The following RCC1L variants were observed in gnomAD, a reference collection of about 807,000 sequenced individuals.
RCC1L encodes RCC1 like.
A neutral mutation model predicts 58.6 loss-of-function variants in RCC1L; 46 were observed. The observed-to-expected ratio is 0.79, with a 90% CI of 0.62 to 1.00. RCC1L has a LOEUF of 1.00. Ranked by LOEUF, RCC1L falls within the 50% of genes least tolerant of loss-of-function variation. RCC1L has a pLI of 0.00. For synonymous variants in RCC1L, 281 were observed against 262.9 expected, an observed-to-expected ratio of 1.07 and a Z score of -0.67; for missense variants, 636 against 623.6, an observed-to-expected ratio of 1.02 and a Z score of -0.21.
intron 8 of RCC1L, chr7:75,056,674 T>C (rs1016151717): frequency 3.9e-6 from 6 of 1,535,420 alleles, no homozygotes; most frequent in Non-Finnish European, 4.4e-6. Context: ...AGTAGTTCGC[T>C]CTCCACTCCA....
intron 2 of RCC1L, among the ~76,000 whole-genome samples, chr7:75,067,444 C>A (rs1398370100): frequency 2.0e-5 from 3 of 151,988 alleles, no homozygotes; most frequent in African/African-American, 7.3e-5. Context: ...ACCTGGCCAA[C>A]AAGGTGAAAC....
At position 75,043,038 on chromosome 7, in the gene RCC1L, G is replaced by A. The variant is rs1805612578; in HGVS notation, c.1389C>T (p.Phe463=). The change falls in exon 11 of 11, where the codon TTC becomes TTT. Residue 463 remains phenylalanine (F), a synonymous_variant. Transcript: ENST00000610322. ...VDHMVTLAKS[F]I is the part of the protein sequence containing the mutation. ...CCAAGCAGGTGAGGGAGGTTTAGAT[G>A]AATGACTTGGCCAGGGTCACCATGT... 3.1e-6 allele frequency: 5 copies of A among 1,613,936 alleles called. No homozygotes were observed. In the Admixed American group the frequency reaches 5.0e-5, roughly 16 times the overall value.
Position 75,066,662 on chromosome 7 carries a change from A to T in RCC1L, c.583+2T>A, listed in dbSNP as rs782286456. 6.2e-7 allele frequency: 1 copy of T among 1,610,442 alleles called. No individual in the cohort carries two copies. The highest frequency in any genetic ancestry group is 8.5e-7 in the Non-Finnish European group (1 of 1,178,488). ...CCATCACCCTTCAATAGGTCAACTC[A>T]CCTCCTTCCCTGTCAGTCAACACAA... On this transcript the variant is annotated splice_donor_variant, in intron 3 of 10. Transcript: ENST00000610322. LOFTEE classifies it high-confidence loss of function.
intron 10 of RCC1L, among the ~76,000 whole-genome samples, chr7:75,050,255 C>T (rs1805862489): frequency 6.6e-6 from 1 of 152,050 alleles, no homozygotes; most frequent in Non-Finnish European, 1.5e-5. Flanking sequence ...GCACTCAAGC[C>T]TGGGCAACAG....
At chr7:75,056,165 C>A in intron 8 of RCC1L, 91 bp from the exon 9 acceptor site, 1 of 1,440,458 alleles carries the variant, frequency 6.9e-7, no homozygotes, top group Non-Finnish European at 9.7e-7. Context: ...AGGTTTATGA[C>A]ATCCACACGG....
In RCC1L at chr7:75,042,781, C is replaced by A. The variant is rs1336650370; in HGVS notation, c.*251G>T. ...GTTACTTGGAGAGAACAGAGACGTG[C>A]GGGCCACAGCGGCCCACCAAAGGCT... is the stretch of plus-strand genomic sequence containing the variant. On this transcript the variant is annotated 3_prime_UTR_variant, in exon 11 of 11. Transcript: ENST00000610322. The A allele has an allele frequency of 1.4e-6, 2 of 1,423,232 alleles. No individual in the cohort carries two copies. The highest frequency in any genetic ancestry group is 1.4e-5 in the African/African-American group (1 of 69,326). The allele number at this position is 1,423,232 out of a possible 1,614,324, so 88.2% of individuals were successfully genotyped here. A position where few individuals can be genotyped will look rare whatever the true frequency, so the allele number is the denominator to read the frequency against.
At chr7:75,056,472 A>G in intron 8 of RCC1L, 4 of 1,445,854 alleles carry the variant, frequency 2.8e-6, no homozygotes, top group Non-Finnish European at 3.6e-6. Context: ...CAAACACATC[A>G]ACAATGTCTG....
rs368041089 is a variant in RCC1L, at chr7:75,071,690, C to T, written c.325-921G>A. Among the ~76,000 whole-genome samples, 16 of 151,882 alleles carry T rather than the reference C, an allele frequency of 1.1e-4. No homozygotes were observed. The East Asian group carries it at 1.4e-3, about 13-fold the overall frequency. ...CAAAAAACACCACCATCTCTTAGCG[C>T]GGTAGGTAAGTTGACAGATCTCCTT... On this transcript the variant is annotated intron_variant, in intron 1 of 10. Coordinates refer to ENST00000610322, the MANE Select transcript of RCC1L (RefSeq NM_030798.5).
chr7:75,040,088 CAG>C (rs1303784570), downstream of RCC1L, among the ~76,000 whole-genome samples: 9 of 152,178 alleles, frequency 5.9e-5, no homozygotes, highest in East Asian at 3.9e-4. Context: ...CCTGGGCAGA[CAG>C]AGCCCAGCTG....
intron 10 of RCC1L, among the ~76,000 whole-genome samples, chr7:75,032,202 G>A (rs2131966949): frequency 6.6e-6 from 1 of 152,244 alleles, no homozygotes; most frequent in South Asian, 2.1e-4. Context: ...CCAGACCTTG[G>A]GCAGAGCCAG....
chr7:75,064,590 T>G lies in RCC1L; in HGVS notation c.642A>C (p.Glu214Asp), dbSNP rs1554444834. Residue 214 changes from glutamate (E) to aspartate (D), a missense_variant, in exon 4 of 11, where the codon GAA (glutamate) becomes GAC (aspartate). Coordinates refer to ENST00000610322, the MANE Select transcript of RCC1L (RefSeq NM_030798.5). ...GCCTTTTAGGAACTCACCTGTAAAT[T>G]TCATTTTCGACCACCTTTCTTCCAC... ...GQCGRKVVENEIYSESHRVHR... is the reference protein window; with the variant it reads ...GQCGRKVVENDIYSESHRVHR... 7 of 1,613,714 alleles carry G rather than the reference T, an allele frequency of 4.3e-6. No individual in the cohort carries two copies. Among genetic ancestry groups the G allele is most frequent in the Non-Finnish European group, 5.1e-6 (6 of 1,179,838 alleles).
chr7:75,041,904 G>A (rs1439560647), downstream of RCC1L, among the ~76,000 whole-genome samples: 2 of 148,376 alleles, frequency 1.3e-5, no homozygotes, highest in African/African-American at 2.5e-5. Flanking sequence ...GAAAATATTT[G>A]TCGAGTAGGA....
At chr7:75,035,892 C>A (rs1227603018) in intron 10 of RCC1L, among the ~76,000 whole-genome samples, 2 of 151,908 alleles carry the variant, frequency 1.3e-5, no homozygotes, top group East Asian at 3.9e-4. Context: ...GTAATCCCAG[C>A]CACTTAGGAG....
intron 2 of RCC1L, among the ~76,000 whole-genome samples, chr7:75,068,896 G>C (rs1471058102): frequency 2.0e-5 from 3 of 151,948 alleles, no homozygotes; most frequent in African/African-American, 7.2e-5. Flanking sequence ...TTGAGACGGA[G>C]TCTTGCCCTG....
chr7:75,050,049 T>C (rs587604467), intron 10 of RCC1L, among the ~76,000 whole-genome samples: 2 of 152,202 alleles, frequency 1.3e-5, no homozygotes, highest in East Asian at 1.9e-4. Flanking sequence ...GGAAGGACAA[T>C]GGTTTGGCGC....
At chr7:75,041,432 T>C (rs1260725789), downstream of RCC1L, among the ~76,000 whole-genome samples, 1 of 152,064 alleles carries the variant, frequency 6.6e-6, no homozygotes, top group Non-Finnish European at 1.5e-5. Flanking sequence ...ATGGGGCACA[T>C]GACAAGTATC....
chr7:75,043,252 G>C (rs1371982984), intron 10 of RCC1L, 143 bp from the exon 11 acceptor site: 2 of 976,974 alleles, frequency 2.0e-6, no homozygotes, highest in Admixed American at 4.1e-5. Context: ...GCTTGTCTCA[G>C]TAGGAGACAG....
chr7:75,060,802 C>T (rs1037371675), intron 6 of RCC1L, among the ~76,000 whole-genome samples: 111 of 152,206 alleles, frequency 7.3e-4, no homozygotes, highest in African/African-American at 2.5e-3. Context: ...AGTATTACAG[C>T]AGGGCACAGT....
At position 75,070,653 on chromosome 7, in the gene RCC1L, G is replaced by C. The variant is rs1385780100; in HGVS notation, c.441C>G (p.Ser147Arg). ...AGGGATGCTCACTTTTATCTTTCCG[G>C]CTCCTGTGAAATCCAAGCTGAGAAT... ...NKDSQLGFHR[S>R]RKDKTRGYEY... Residue 147 changes from serine (S) to arginine (R), a missense_variant, in exon 2 of 11, where the codon AGC (serine) becomes AGG (arginine). By Grantham distance (110) the Ser-to-Arg change is moderately radical (BLOSUM62 -1). Coordinates refer to ENST00000610322, the MANE Select transcript of RCC1L (RefSeq NM_030798.5). 1.2e-6 allele frequency: 2 copies of C among 1,613,776 alleles called. No individual in the cohort carries two copies. Among genetic ancestry groups the C allele is most frequent in the Non-Finnish European group, 1.7e-6 (2 of 1,179,974 alleles).
Sources: allele counts gnomAD v4.1 joint callset (sites outside exome capture counted in the v4.1 genomes callset), GRCh38; gene constraint gnomAD v4.1.1; transcripts MANE v1.5; gene names NCBI Gene and HGNC (gene_info 2026-07-23, HGNC 2026-07-21).